The following CLIP3 variants were observed in gnomAD, a reference collection of about 807,000 sequenced individuals.
CLIP3 encodes CAP-Gly domain containing linker protein 3.
Under a neutral mutation model 59.4 loss-of-function variants are expected in CLIP3, and 15 were observed. The observed-to-expected ratio is 0.25, with a 90% CI of 0.17 to 0.39. The LOEUF (loss-of-function observed/expected upper bound fraction) is 0.39. Ranked by LOEUF, CLIP3 falls within the 10% of genes least tolerant of loss-of-function variation. The pLI is 1.00. For synonymous variants in CLIP3, 300 were observed against 321.6 expected, an observed-to-expected ratio of 0.93 and a Z score of 0.72; for missense variants, 495 against 765.7, an observed-to-expected ratio of 0.65 and a Z score of 4.17.
At chr19:36,024,760 C>G in intron 6 of CLIP3, 128 bp from the exon 7 acceptor site, 2 of 860,088 alleles carry the variant, frequency 2.3e-6, no homozygotes, top group South Asian at 3.5e-5. Context: ...CTGGGCCAAC[C>G]TGGGAATAAG....
At position 36,027,052 on chromosome 19, in the gene CLIP3, G is replaced by C; in HGVS notation, c.307-7C>G. Reference sequence around the variant, plus strand: ...GGCAGCCTCGGCGCAGAATCTGTGAGTACCAGGGGAGCAGGGAGGGTCACC... The same window carrying C: ...GGCAGCCTCGGCGCAGAATCTGTGACTACCAGGGGAGCAGGGAGGGTCACC... On this transcript the variant is annotated splice_polypyrimidine_tract_variant and splice_region_variant and intron_variant, in intron 3 of 13. Transcript: ENST00000360535. The C allele has an allele frequency of 6.2e-7, 1 of 1,601,588 alleles. No homozygotes were observed. Among genetic ancestry groups the C allele is most frequent in the Non-Finnish European group, 8.5e-7 (1 of 1,175,860 alleles).
At chr19:36,027,964 A>C (rs1394971356) in intron 2 of CLIP3, among the ~76,000 whole-genome samples, 4 of 151,942 alleles carry the variant, frequency 2.6e-5, no homozygotes, top group Non-Finnish European at 5.9e-5. Flanking sequence ...CAGGAGTTCA[A>C]GGCTGCAGTG....
intron 2 of CLIP3, among the ~76,000 whole-genome samples, chr19:36,027,818 T>C (rs1969153277): frequency 6.6e-6 from 1 of 152,214 alleles, no homozygotes; most frequent in Non-Finnish European, 1.5e-5. Context: ...GAGGATTGCT[T>C]GAGCCCATAA....
rs542635066 is a variant in CLIP3 at position 36,024,190 on chromosome 19, C to T, written c.918+206G>A. Among the ~76,000 whole-genome samples, 198 of 152,306 alleles carry T rather than the reference C, an allele frequency of 1.3e-3. 1 individual carries two copies. Among genetic ancestry groups the T allele is most frequent in the African/African-American group, 4.6e-3 (193 of 41,564 alleles). On this transcript the variant is annotated intron_variant, in intron 7 of 13. Coordinates refer to ENST00000360535, the MANE Select transcript of CLIP3 (RefSeq NM_015526.3). ...CTGTCAGATGACGGGTTGTTTCCCA[C>T]CCTGGATGGAGAGCTCAGCACAGGG...
In CLIP3 at chr19:36,026,210, A is replaced by G; in HGVS notation, c.618T>C (p.Ala206=). The G allele has an allele frequency of 6.2e-7, 1 of 1,613,822 alleles. No individual in the cohort carries two copies. The highest frequency in any genetic ancestry group is 8.5e-7 in the Non-Finnish European group (1 of 1,179,990). The part of the protein sequence containing the change: ...FNHGSALHIA[A]SSLCLGAAKC... ...TGGCGGCGCCCAGGCACAGGCTGGAAGCAGCGATGTGCAGGGCTGAGCCGT... is the reference window on the plus strand; with the variant it reads ...TGGCGGCGCCCAGGCACAGGCTGGAGGCAGCGATGTGCAGGGCTGAGCCGT... The change falls in exon 6 of 14, where the codon GCT becomes GCC. Residue 206 remains alanine, a synonymous_variant. Coordinates refer to ENST00000360535, the MANE Select transcript of CLIP3 (RefSeq NM_015526.3). This position sits in a 1 kb window ranked among gnomAD's most constrained non-coding sequence, Gnocchi z 6.3.
At position 36,017,914 on chromosome 19, in the gene CLIP3, G is replaced by C. The variant is rs1292641581; in HGVS notation, c.1261C>G (p.Gln421Glu). ...TGCTTCTGGCCCGCGACAAGGACCT[G>C]GTCTCCAACCTCAGCCTTGGCCCCG... is the stretch of plus-strand genomic sequence containing the variant. ...RDGAKAEVGDQVLVAGQKQGI... is the reference protein window; with the variant it reads ...RDGAKAEVGDEVLVAGQKQGI... Residue 421 changes from glutamine to glutamate, a missense_variant, in exon 10 of 14, where the codon CAG becomes GAG. This residue lies in a region of CLIP3 where 179 missense variants were observed against 226.2 expected (regional missense o/e 0.79). Coordinates refer to ENST00000360535, the MANE Select transcript of CLIP3 (RefSeq NM_015526.3). 6.2e-7 allele frequency: 1 copy of C among 1,614,122 alleles called. No individual in the cohort carries two copies. Among genetic ancestry groups the C allele is most frequent in the African/African-American group, 1.3e-5 (1 of 75,046 alleles).
intron 2 of CLIP3, among the ~76,000 whole-genome samples, chr19:36,028,695 A>G (rs1374348089): frequency 6.6e-6 from 1 of 152,172 alleles, no homozygotes; most frequent in East Asian, 1.9e-4. Context: ...CATCCAGAGT[A>G]CAGACCAAAG....
chr19:36,016,346 T>G lies in CLIP3; in HGVS notation c.1590-134A>C. The G allele has an allele frequency of 2.1e-6, 2 of 954,026 alleles. No individual in the cohort carries two copies. Among genetic ancestry groups the G allele is most frequent in the Non-Finnish European group, 3.2e-6 (2 of 617,360 alleles). The allele number at this position is 954,026 out of a possible 1,614,324, so 59.1% of individuals were successfully genotyped here. On this transcript the variant is annotated intron_variant, in intron 13 of 13. Coordinates refer to ENST00000360535, the MANE Select transcript of CLIP3 (RefSeq NM_015526.3). This position sits in a 1 kb window ranked among gnomAD's most constrained non-coding sequence, Gnocchi z 4.1. ...TGCCTCTACCTCTCTGGCTGTGGTT[T>G]GTTTGTTTGTTTGTTTTCTGAGATG...
In CLIP3 at chr19:36,022,102, G is replaced by A. The variant is rs184028524; in HGVS notation, c.918+2294C>T. On this transcript the variant is annotated intron_variant, in intron 7 of 13. Coordinates refer to ENST00000360535, the MANE Select transcript of CLIP3 (RefSeq NM_015526.3). Reference sequence around the variant, plus strand: ...TCACCGGGTTAGCCAGGATGGTCTCGATCTCCTGACCTCGTGATCCGCCCA... The same window carrying A: ...TCACCGGGTTAGCCAGGATGGTCTCAATCTCCTGACCTCGTGATCCGCCCA... 3.2e-4 allele frequency among the ~76,000 whole-genome samples: 49 copies of A among 151,522 alleles called. 1 individual carries two copies. The South Asian group carries it at 4.0e-3, about 12-fold the overall frequency.
rs1017263972 is a variant in CLIP3 at position 36,026,897 on chromosome 19, T to C, written c.400+55A>G. 1.3e-6 allele frequency: 2 copies of C among 1,525,294 alleles called. No individual in the cohort carries two copies. The highest frequency in any genetic ancestry group is 4.1e-5 in the Admixed American group (2 of 48,790). 94.5% of individuals were successfully genotyped at this position (1,525,294 alleles called of 1,614,324 possible). On this transcript the variant is annotated intron_variant, in intron 4 of 13. Coordinates refer to ENST00000360535, the MANE Select transcript of CLIP3 (RefSeq NM_015526.3). The surrounding 1 kb of genome is among the most constrained non-coding windows in gnomAD (Gnocchi z 6.3). Reference sequence around the variant, plus strand: ...GAGTTCTGGGTGGTTTTCAGCGTGTTGGGTCTGGGGGCCTAGGCTTTGGGG... The same window carrying C: ...GAGTTCTGGGTGGTTTTCAGCGTGTCGGGTCTGGGGGCCTAGGCTTTGGGG...
chr19:36,017,530 T>G lies in CLIP3; in HGVS notation c.1452-80A>C. ...CTGAGAGCTGGGCCCCAGGGATCTA[T>G]GAGGAAAGGGCTGGGGGCTCGGGGG... On this transcript the variant is annotated intron_variant, in intron 11 of 13. Transcript: ENST00000360535. The G allele has an allele frequency of 1.9e-6, 3 of 1,600,944 alleles. No homozygotes were observed. In the South Asian group the frequency reaches 3.3e-5, roughly 18 times the overall value.
intron 9 of CLIP3, among the ~76,000 whole-genome samples, chr19:36,018,531 A>G (rs999568066): frequency 1.3e-5 from 2 of 151,738 alleles, no homozygotes; most frequent in Non-Finnish European, 2.9e-5. Flanking sequence ...GCGGTGAGCC[A>G]AGATCGTGCC....
At chr19:36,017,365 A>G (rs1968825077) in intron 12 of CLIP3, 21 bp downstream of exon 12, 3 of 1,612,832 alleles carry the variant, frequency 1.9e-6, no homozygotes, top group Middle Eastern at 1.7e-4. Flanking sequence ...ACTCCTCCCA[A>G]CATATCATCC....
In CLIP3 at chr19:36,016,291, C is replaced by T. The variant is rs1323970849; in HGVS notation, c.1590-79G>A. ...CACCCATCACCCCCAGCCTTTCCCC[C>T]AGTGTTTGCTATCAGGCCTTTCTGG... On this transcript the variant is annotated intron_variant, in intron 13 of 13. Coordinates refer to ENST00000360535, the MANE Select transcript of CLIP3 (RefSeq NM_015526.3). The surrounding 1 kb of genome is among the most constrained non-coding windows in gnomAD (Gnocchi z 4.1). The T allele has an allele frequency of 6.5e-7, 1 of 1,534,268 alleles. No individual in the cohort carries two copies. The highest frequency in any genetic ancestry group is 9.0e-7 in the Non-Finnish European group (1 of 1,113,958).
chr19:36,024,284 G>T, intron 7 of CLIP3, 112 bp downstream of exon 7: 1 of 843,724 alleles, frequency 1.2e-6, no homozygotes, highest in Non-Finnish European at 1.8e-6. Context: ...AGTTAGGGCG[G>T]CAAGTAGACA....
intron 7 of CLIP3, among the ~76,000 whole-genome samples, chr19:36,023,730 T>C (rs1969014582): frequency 1.3e-5 from 2 of 152,196 alleles, no homozygotes; most frequent in South Asian, 4.2e-4. Context: ...ACCATAGGTT[T>C]ACTTTCTTGA....
Position 36,031,006 on chromosome 19 carries a change from TTCTTTTTTTTTTTTTTC to T in CLIP3, c.166+1169_166+1185del, listed in dbSNP as rs1265636521. 6.6e-4 allele frequency among the ~76,000 whole-genome samples: 54 copies of T among 82,258 alleles called. 1 individual carries two copies. Among genetic ancestry groups the T allele is most frequent in the African/African-American group, 3.3e-3 (51 of 15,608 alleles). The allele number at this position is 82,258 out of a possible 152,430, so 54.0% of individuals were successfully genotyped here. A position where few individuals can be genotyped will look rare whatever the true frequency, so the allele number is the denominator to read the frequency against. On this transcript the variant is annotated intron_variant, in intron 2 of 13. Transcript: ENST00000360535. ...TCTTTTTCTTTTTTCTTTTTTTCTTTTCTTTTTTTTTTTTTTCTTTTTTTTTTTTTTTTTTGAGACAG... is the reference window on the plus strand; with the variant it reads ...TCTTTTTCTTTTTTCTTTTTTTCTTTTTTTTTTTTTTTTTTTTTGAGACAG...
chr19:36,029,306 C>A lies in CLIP3; in HGVS notation c.167-2035G>T, dbSNP rs1325019778. Reference sequence around the variant, plus strand: ...TTGCACTCCAGCCTGGAGTCCGTCTCAAAAAAAAAAAAAAAAATAGGGTCT... The same window carrying A: ...TTGCACTCCAGCCTGGAGTCCGTCTAAAAAAAAAAAAAAAAAATAGGGTCT... On this transcript the variant is annotated intron_variant, in intron 2 of 13. Transcript: ENST00000360535. Among the ~76,000 whole-genome samples the A allele has an allele frequency of 1.2e-3, 140 of 119,972 alleles. 1 individual carries two copies. The highest frequency in any genetic ancestry group is 1.3e-3 in the Admixed American group (15 of 11,634). The allele number at this position is 119,972 out of a possible 152,430, so 78.7% of individuals were successfully genotyped here.
At chr19:36,017,063 A>G in intron 12 of CLIP3, 84 bp from the exon 13 acceptor site, 1 of 1,388,578 alleles carries the variant, frequency 7.2e-7, no homozygotes, top group South Asian at 1.2e-5. Context: ...TCTCATTAAT[A>G]CCTCCCCATG....
Sources: gnomAD v4.1 joint callset for allele counts (sites outside exome capture counted in the v4.1 genomes callset) on GRCh38, gnomAD v4.1.1 for gene constraint, gnomAD v4.1.1 regional missense constraint, Gnocchi (gnomAD v3.1) non-coding constraint, MANE v1.5 for transcripts, NCBI Gene and HGNC (gene_info 2026-07-23, HGNC 2026-07-21) for gene names.